FCHO2: variants seen among roughly 807,000 people sequenced by gnomAD.
FCHO2 encodes the protein FCH and mu domain containing endocytic adaptor 2.
A neutral mutation model predicts 114.1 loss-of-function variants in FCHO2; 43 were observed. The observed-to-expected ratio is 0.38, with a 90% CI of 0.30 to 0.49. FCHO2 has a LOEUF of 0.49. FCHO2 is among the 20% of genes least tolerant of loss of function. FCHO2 has a pLI of 0.97. For synonymous variants in FCHO2, 293 were observed against 315.2 expected (o/e 0.93, Z 0.75); for missense variants, 807 against 950.4 (o/e 0.85, Z 1.98).
At chr5:73,043,221 T>A (rs1038696719) in intron 11 of FCHO2, among the ~76,000 whole-genome samples, 2 of 152,130 alleles carry the variant, frequency 1.3e-5, no homozygotes, top group Admixed American at 6.6e-5. Context: ...TGTGAACCAC[T>A]GTTCCTGGCC....
At chr5:73,004,185 C>T (rs1043757518) in intron 5 of FCHO2, among the ~76,000 whole-genome samples, 2 of 151,628 alleles carry the variant, frequency 1.3e-5, no homozygotes, top group Admixed American at 6.6e-5. Flanking sequence ...AAAGGAAACC[C>T]GGATTAAGCA....
rs879032802 is a variant in FCHO2 at position 73,054,036 on chromosome 5, T to C, written c.1174-124T>C. ...TGCTTAACTTTTTCCCACCTGACAG[T>C]GTATGTGTTTTAAGGTGTATATAGT... On this transcript the variant is annotated intron_variant, in intron 13 of 25. Coordinates refer to ENST00000430046, the MANE Select transcript of FCHO2 (RefSeq NM_138782.3). The C allele has an allele frequency of 3.9e-5, 22 of 561,490 alleles. No individual in the cohort carries two copies. The South Asian group carries it at 1.2e-3, about 30-fold the overall frequency. The allele number at this position is 561,490 out of a possible 1,614,324, so 34.8% of individuals were successfully genotyped here.
Position 73,078,246 on chromosome 5 carries a change from C to A in FCHO2, c.1914C>A (p.Tyr638Ter). 1 of 1,592,580 alleles carries A rather than the reference C, an allele frequency of 6.3e-7. No individual in the cohort carries two copies. The highest frequency in any genetic ancestry group is 8.6e-7 in the Non-Finnish European group (1 of 1,168,928). Residue 638 changes from tyrosine to a stop codon, truncating the protein, a stop_gained, in exon 22 of 26, where the codon TAC becomes TAA. Transcript: ENST00000430046. LOFTEE classifies it high-confidence loss of function. ...TGAACATGCAAGCTGTTACAGTCTA[C>A]CTCAAGAAGCTGTCAGAGCAAAATC... Reference protein sequence around the residue: ...FWMNMQAVTVYLKKLSEQNPA... With the variant: ...FWMNMQAVTV
At chr5:72,990,446 A>T in intron 3 of FCHO2, 32 bp from the exon 4 acceptor site, 1 of 1,456,860 alleles carries the variant, frequency 6.9e-7, no homozygotes, top group Non-Finnish European at 9.1e-7. Context: ...TTTACTTTTA[A>T]TAAGTTATTC....
At chr5:72,997,223 C>G in intron 5 of FCHO2, 1 of 1,143,886 alleles carries the variant, frequency 8.7e-7, no homozygotes, top group Non-Finnish European at 1.3e-6. Flanking sequence ...ACATCCTGTC[C>G]GTTTCTTTGT....
At chr5:73,087,968 G>A in intron 25 of FCHO2, 100 bp from the exon 26 acceptor site, 6 of 1,500,216 alleles carry the variant, frequency 4.0e-6, no homozygotes, top group South Asian at 2.3e-5. Flanking sequence ...ACTGTAAATA[G>A]CAGATGGGAA....
intron 2 of FCHO2, among the ~76,000 whole-genome samples, chr5:72,976,108 T>G (rs1434457166): frequency 2.0e-5 from 3 of 152,224 alleles, no homozygotes; most frequent in African/African-American, 4.8e-5. Context: ...ATTAGAGTTC[T>G]TATTGCCCCA....
In FCHO2 at chr5:72,972,036, C is replaced by T. The variant is rs1432031341; in HGVS notation, c.125+3447C>T. ...AGATATGTGGCATTATTTCTGAGGG[C>T]TCTGTTCTGTTCCATTGATCTATAT... On this transcript the variant is annotated intron_variant, in intron 2 of 25. Transcript: ENST00000430046. Among the ~76,000 whole-genome samples the T allele has an allele frequency of 2.0e-5, 3 of 151,762 alleles. No homozygotes were observed. The East Asian group carries it at 5.8e-4, about 29-fold the overall frequency.
intron 2 of FCHO2, among the ~76,000 whole-genome samples, chr5:72,984,665 T>G (rs1359265642): frequency 1.3e-5 from 2 of 152,146 alleles, no homozygotes; most frequent in East Asian, 3.8e-4. Context: ...CAAAAATTTA[T>G]TATTATTATT....
chr5:73,083,260 C>G (rs1426189036), intron 24 of FCHO2, among the ~76,000 whole-genome samples: 1 of 152,120 alleles, frequency 6.6e-6, no homozygotes, highest in Non-Finnish European at 1.5e-5. Flanking sequence ...CCTGGAATTT[C>G]ATGCCCTCAG....
At chr5:73,022,919 C>G (rs1187495957) in intron 8 of FCHO2, among the ~76,000 whole-genome samples, 1 of 152,100 alleles carries the variant, frequency 6.6e-6, no homozygotes, top group Non-Finnish European at 1.5e-5. Flanking sequence ...ACAGTCCAAG[C>G]CTATATCCAT....
intron 2 of FCHO2, among the ~76,000 whole-genome samples, chr5:72,970,855 C>G (rs1299653525): frequency 1.3e-5 from 2 of 152,178 alleles, no homozygotes; most frequent in African/African-American, 2.4e-5. Flanking sequence ...CTCCCCTCCC[C>G]GCAACCCACA....
At chr5:72,992,244 G>T (rs1753849267) in intron 5 of FCHO2, among the ~76,000 whole-genome samples, 1 of 152,140 alleles carries the variant, frequency 6.6e-6, no homozygotes, top group South Asian at 2.1e-4. Flanking sequence ...GCAATATATT[G>T]TGTTTGTATA....
intron 1 of FCHO2, among the ~76,000 whole-genome samples, chr5:72,966,230 A>G (rs1013902246): frequency 6.6e-6 from 1 of 152,242 alleles, no homozygotes; most frequent in Non-Finnish European, 1.5e-5. Context: ...CTTTTTTTAA[A>G]AAACTGAATG....
chr5:73,018,523 C>CTTCT (rs1755434422), intron 8 of FCHO2, among the ~76,000 whole-genome samples: 1 of 132,112 alleles, frequency 7.6e-6, no homozygotes, highest in Non-Finnish European at 1.7e-5. Flanking sequence ...TAACTTTCTT[C>CTTCT]TTTTTTTTTT....
chr5:73,003,103 GC>G (rs1483756175), intron 5 of FCHO2, among the ~76,000 whole-genome samples: 2 of 152,038 alleles, frequency 1.3e-5, no homozygotes, highest in Admixed American at 1.3e-4. Context: ...GAACTCTGGG[GC>G]TCAAGTGATT....
intron 1 of FCHO2, among the ~76,000 whole-genome samples, chr5:72,958,918 T>C (rs565275523): frequency 6.6e-6 from 1 of 152,380 alleles, no homozygotes; most frequent in East Asian, 1.9e-4. Context: ...CTTTGTTTGA[T>C]GTTTTTGGCT....
chr5:73,066,575 C>CTTTT (rs3054234), intron 18 of FCHO2, among the ~76,000 whole-genome samples: 18 of 101,418 alleles, frequency 1.8e-4, no homozygotes, highest in East Asian at 2.8e-4. Flanking sequence ...AGTGCCTTTT[C>CTTTT]TTTTTTTTTT....
At chr5:72,956,250 C>G (rs879832258) in intron 1 of FCHO2, 121 bp downstream of exon 1, 4 of 1,332,004 alleles carry the variant, frequency 3.0e-6, no homozygotes, top group Non-Finnish European at 4.0e-6. Context: ...CGTCCTCCTG[C>G]CGCGTCCCGC....
Sources: gnomAD v4.1 joint callset for allele counts (sites outside exome capture counted in the v4.1 genomes callset) on GRCh38, gnomAD v4.1.1 for gene constraint, MANE v1.5 for transcripts, NCBI Gene and HGNC (gene_info 2026-07-23, HGNC 2026-07-21) for gene names.